Variants in ADAMTS14 observed in about 807,000 individuals in gnomAD.
ADAMTS14 encodes A disintegrin and metalloproteinase with thrombospondin motifs 14.
Under a neutral mutation model 128.6 loss-of-function variants are expected in ADAMTS14, and 100 were observed. The observed-to-expected ratio is 0.78, with a 90% CI of 0.66 to 0.92. ADAMTS14 has a LOEUF of 0.92. Ranked by LOEUF, ADAMTS14 falls within the 40% of genes least tolerant of loss-of-function variation. The pLI, the probability that ADAMTS14 is intolerant of heterozygous loss-of-function variation, is 0.00. For missense variants in ADAMTS14, 1,562 were observed against 1,658.6 expected, an observed-to-expected ratio of 0.94 and a Z score of 1.01; for synonymous variants, 665 against 653.8, an observed-to-expected ratio of 1.02 and a Z score of -0.26.
chr10:70,680,552 C>T (rs1839772523), intron 2 of ADAMTS14, among the ~76,000 whole-genome samples: 1 of 152,196 alleles, frequency 6.6e-6, no homozygotes, highest in African/African-American at 2.4e-5. Flanking sequence ...CAGCACAGAT[C>T]AGCTGTGGGA....
intron 21 of ADAMTS14, 123 bp downstream of exon 21, chr10:70,758,408 G>A: frequency 1.2e-6 from 1 of 807,280 alleles, no homozygotes; most frequent in Middle Eastern, 2.4e-4. Context: ...TCACCTCCCT[G>A]AGCCTCAGAT....
chr10:70,727,005 T>G (rs1419716618), intron 4 of ADAMTS14, among the ~76,000 whole-genome samples: 1 of 152,224 alleles, frequency 6.6e-6, no homozygotes, highest in Non-Finnish European at 1.5e-5. Context: ...TGGGTGCTGG[T>G]CTTTGGTCTT....
At chr10:70,747,434 G>A (rs1231830664) in intron 15 of ADAMTS14, among the ~76,000 whole-genome samples, 1 of 152,028 alleles carries the variant, frequency 6.6e-6, no homozygotes, top group Non-Finnish European at 1.5e-5. Context: ...AGTCCTGCCT[G>A]CTGTGCCTGC....
intron 4 of ADAMTS14, among the ~76,000 whole-genome samples, chr10:70,725,985 G>T (rs1215367014): frequency 6.6e-6 from 1 of 152,134 alleles, no homozygotes; most frequent in Admixed American, 6.5e-5. Flanking sequence ...GGGGGTGGGG[G>T]CCTGAGCTGC....
At chr10:70,718,328 T>TTCAC (rs1367007013) in intron 4 of ADAMTS14, among the ~76,000 whole-genome samples, 1 of 152,176 alleles carries the variant, frequency 6.6e-6, no homozygotes, top group African/African-American at 2.4e-5. Flanking sequence ...AAAAAACTCA[T>TTCAC]TCACTGTAAA....
intron 4 of ADAMTS14, among the ~76,000 whole-genome samples, chr10:70,724,381 C>T (rs981223068): frequency 2.6e-5 from 4 of 152,208 alleles, no homozygotes; most frequent in East Asian, 3.8e-4. Context: ...CATCCTGTCT[C>T]GTGCCCAACC....
At chr10:70,719,666 C>T (rs1403037531) in intron 4 of ADAMTS14, among the ~76,000 whole-genome samples, 1 of 152,206 alleles carries the variant, frequency 6.6e-6, no homozygotes, top group East Asian at 1.9e-4. Flanking sequence ...CCTCAGCCTC[C>T]CAAAGTGCTG....
chr10:70,754,110 C>T, intron 19 of ADAMTS14, 103 bp downstream of exon 19: 1 of 1,121,172 alleles, frequency 8.9e-7, no homozygotes. Flanking sequence ...TGAATGGCTC[C>T]CCCTACATCA....
chr10:70,729,198 G>A (rs1044755945), intron 4 of ADAMTS14, 96 bp from the exon 5 acceptor site: 2 of 1,038,030 alleles, frequency 1.9e-6, no homozygotes, highest in Non-Finnish European at 3.0e-6. Flanking sequence ...AGGTCACGGT[G>A]GGGATACCAT....
chr10:70,705,967 A>G (rs1268015538), intron 3 of ADAMTS14, among the ~76,000 whole-genome samples: 2 of 152,236 alleles, frequency 1.3e-5, no homozygotes, highest in African/African-American at 4.8e-5. Flanking sequence ...ACTGGGTCAC[A>G]TGGCACCTCT....
Position 70,751,505 on chromosome 10 carries a change from C to T in ADAMTS14, c.2455C>T (p.Arg819Cys), listed in dbSNP as rs764636745. 41 of 1,610,278 alleles carry T rather than the reference C, an allele frequency of 2.5e-5. No homozygotes were observed. Among genetic ancestry groups the T allele is most frequent in the South Asian group, 7.7e-5 (7 of 90,968 alleles). ...LALPPTEGGP[R>C]SSLAYKYVIH... Reference sequence around the variant, plus strand: ...TCTCCCCCCAACTGAGGGTGGCCCCCGCAGCAGCCTGGCCTACAAGTACGT... The same window carrying T: ...TCTCCCCCCAACTGAGGGTGGCCCCTGCAGCAGCCTGGCCTACAAGTACGT... Residue 819 changes from arginine to cysteine, a missense_variant, in exon 17 of 22, where the codon CGC becomes TGC. Transcript: ENST00000373207.
At chr10:70,711,810 G>T (rs1840870122) in intron 4 of ADAMTS14, among the ~76,000 whole-genome samples, 1 of 152,136 alleles carries the variant, frequency 6.6e-6, no homozygotes, top group African/African-American at 2.4e-5. Context: ...GAGAGAAGCG[G>T]GTGGCCGGCA....
At chr10:70,678,323 CA>C (rs1227957963) in intron 2 of ADAMTS14, among the ~76,000 whole-genome samples, 1 of 152,210 alleles carries the variant, frequency 6.6e-6, no homozygotes, top group Non-Finnish European at 1.5e-5. Context: ...GGGTGCCATG[CA>C]GGGGGAAACC....
intron 19 of ADAMTS14, among the ~76,000 whole-genome samples, chr10:70,755,584 C>T (rs1842461692): frequency 6.6e-6 from 1 of 152,220 alleles, no homozygotes; most frequent in South Asian, 2.1e-4. Context: ...GTGGCTCACG[C>T]CTGTAATCCC....
At chr10:70,714,627 A>T (rs1840967639) in intron 4 of ADAMTS14, among the ~76,000 whole-genome samples, 1 of 152,210 alleles carries the variant, frequency 6.6e-6, no homozygotes, top group Non-Finnish European at 1.5e-5. Context: ...GGGGTGCTCC[A>T]TGATGAGTAC....
intron 4 of ADAMTS14, among the ~76,000 whole-genome samples, chr10:70,722,606 C>T (rs1185145535): frequency 1.3e-5 from 2 of 152,132 alleles, no homozygotes; most frequent in Admixed American, 1.3e-4. Flanking sequence ...TGCAAGATGA[C>T]CCCGGAGCAT....
chr10:70,732,281 AC>A lies in ADAMTS14; in HGVS notation c.1135del (p.Leu379Ter). ...SGYAPVTGMC[H>X]PLRSCALNHE... ...TATGCACCCGTCACTGGCATGTGTC[AC>A]CCCCTGAGGAGCTGTGCCCTCAACC... is the stretch of plus-strand genomic sequence containing the variant. On this transcript the variant is annotated frameshift_variant, in exon 7 of 22. Coordinates refer to ENST00000373207, the MANE Select transcript of ADAMTS14 (RefSeq NM_080722.4). LOFTEE classifies it high-confidence loss of function. 6.2e-7 allele frequency: 1 copy of A among 1,613,890 alleles called. No homozygotes were observed. Among genetic ancestry groups the A allele is most frequent in the Non-Finnish European group, 8.5e-7 (1 of 1,179,950 alleles).
In ADAMTS14 at chr10:70,744,080, C is replaced by G; in HGVS notation, c.2073C>G (p.Asp691Glu). The change falls in exon 14 of 22, where the codon GAC (aspartate) becomes GAG (glutamate). Residue 691 changes from aspartate (D) to glutamate (E), a missense_variant. Asp to Glu is a conservative substitution (Grantham distance 45, BLOSUM62 2). Coordinates refer to ENST00000373207, the MANE Select transcript of ADAMTS14 (RefSeq NM_080722.4). Reference protein sequence around the residue: ...ARGECVPVGCDKEVGSMKADD... With the variant: ...ARGECVPVGCEKEVGSMKADD... ...TCTGGCCTCAGCCTGTCGGCTGTGA[C>G]AAGGAGGTGGGGTCCATGAAGGCGG... The G allele has an allele frequency of 6.4e-7, 1 of 1,564,324 alleles. No individual in the cohort carries two copies.
intron 4 of ADAMTS14, among the ~76,000 whole-genome samples, chr10:70,727,644 GTGGCATCACATCCCTGACCACACTGC>G (rs1183328176): frequency 7.9e-5 from 12 of 151,762 alleles, no homozygotes; most frequent in Admixed American, 7.9e-4. Context: ...GACCATGCTG[GTGGCATCACATCCCTGACCACACTGC>G]TGGCATCACA....
Sources: allele counts gnomAD v4.1 joint callset (sites outside exome capture counted in the v4.1 genomes callset), GRCh38; gene constraint gnomAD v4.1.1; transcripts MANE v1.5; gene names NCBI Gene and HGNC (gene_info 2026-07-23, HGNC 2026-07-21).